CDH13: variants seen among roughly 807,000 people sequenced by gnomAD.
The protein encoded by CDH13 is cadherin-13.
A neutral mutation model predicts 63.8 loss-of-function variants in CDH13; 24 were observed. The observed-to-expected ratio is 0.38, with a 90% confidence interval of 0.27 to 0.53. CDH13 has a LOEUF of 0.53. Ranked by LOEUF, CDH13 falls within the 20% of genes least tolerant of loss-of-function variation. The probability of loss-of-function intolerance (pLI) is 0.85; values close to 1 mark genes in which losing one functional copy is unlikely to be tolerated. For missense variants in CDH13, 1,049 were observed against 903.1 expected (o/e 1.16, Z -2.07); for synonymous variants, 503 against 355.3 (o/e 1.42, Z -4.67).
At chr16:83,788,079 A>C (rs982456421) in intron 13 of CDH13, among the ~76,000 whole-genome samples, 1 of 152,228 alleles carries the variant, frequency 6.6e-6, no homozygotes, top group Non-Finnish European at 1.5e-5. Context: ...ACGTACATGT[A>C]TGTTTGTGTG....
intron 1 of CDH13, among the ~76,000 whole-genome samples, chr16:82,798,733 G>A (rs753196224): frequency 6.6e-5 from 10 of 152,090 alleles, no homozygotes; most frequent in Non-Finnish European, 1.3e-4. Flanking sequence ...GGCTGTACTG[G>A]GAAACACATG....
At chr16:82,854,676 C>T (rs893643562) in intron 1 of CDH13, among the ~76,000 whole-genome samples, 2 of 152,162 alleles carry the variant, frequency 1.3e-5, no homozygotes, top group African/African-American at 2.4e-5. Flanking sequence ...TCTTTGAGAT[C>T]CCAGCAGAAA....
intron 1 of CDH13, among the ~76,000 whole-genome samples, chr16:82,850,496 T>C (rs1326538960): frequency 1.3e-5 from 2 of 152,222 alleles, no homozygotes; most frequent in Non-Finnish European, 2.9e-5. Context: ...CTGGTGAAGA[T>C]GCTGTAAACA....
In CDH13 at chr16:83,032,045, C is replaced by T. The variant is rs368685803; in HGVS notation, c.193C>T (p.Arg65Cys). ...TGACTGTAAGGGAAACGACAAGCTA[C>T]GCTATGAGGTCTCGAGCCCATACTT... ...FSDCKGNDKL[R>C]YEVSSPYFKV... is the part of the protein sequence containing the mutation. The change falls in exon 3 of 14, where the codon CGC becomes TGC. Residue 65 changes from arginine to cysteine, a missense_variant. Arg to Cys is a radical substitution (Grantham distance 180). Coordinates refer to ENST00000567109, the MANE Select transcript of CDH13 (RefSeq NM_001257.5). 75 of 1,605,716 alleles carry T rather than the reference C, an allele frequency of 4.7e-5. No homozygotes were observed. The highest frequency in any genetic ancestry group is 5.2e-5 in the Non-Finnish European group (61 of 1,176,220).
rs147631684 is a variant in CDH13 at position 83,599,215 on chromosome 16, G to A, written c.961-3239G>A. ...GGCAGTCCTGTAGCACATCCCCACA[G>A]CAATCTGTACTGGAAGTTGAAGAAT... On this transcript the variant is annotated intron_variant, in intron 7 of 13. Transcript: ENST00000567109. Among the ~76,000 whole-genome samples, 143 of 152,324 alleles carry A rather than the reference G, an allele frequency of 9.4e-4. 2 individuals are homozygous for A. The East Asian group carries it at 0.026, about 28-fold the overall frequency.
At chr16:83,223,617 T>A (rs944339218) in intron 5 of CDH13, among the ~76,000 whole-genome samples, 2 of 152,202 alleles carry the variant, frequency 1.3e-5, no homozygotes, top group African/African-American at 4.8e-5. Flanking sequence ...TCAGAACCTC[T>A]GATCTGCAAA....
chr16:82,968,431 T>G (rs1032344942), intron 2 of CDH13, among the ~76,000 whole-genome samples: 1 of 152,190 alleles, frequency 6.6e-6, no homozygotes, highest in Non-Finnish European at 1.5e-5. Flanking sequence ...TAAAAGCTGG[T>G]AGTAGGGATG....
At chr16:83,443,359 C>T (rs989207756) in intron 6 of CDH13, among the ~76,000 whole-genome samples, 2 of 152,168 alleles carry the variant, frequency 1.3e-5, no homozygotes, top group African/African-American at 4.8e-5. Context: ...TGGAGCACTG[C>T]ACCCACAGAC....
intron 7 of CDH13, among the ~76,000 whole-genome samples, chr16:83,580,135 G>A (rs1217030968): frequency 1.3e-5 from 2 of 152,134 alleles, no homozygotes; most frequent in Non-Finnish European, 2.9e-5. Context: ...TGTCCACAGA[G>A]TTTAAATGTT....
At chr16:83,102,630 G>C (rs7193877) in intron 3 of CDH13, among the ~76,000 whole-genome samples, 74,885 of 151,932 alleles carry the variant, frequency 0.49, 19,018 homozygotes, top group East Asian at 0.72. Flanking sequence ...CGTTTCAACA[G>C]GACCGCTCTG....
At chr16:83,498,837 G>A (rs141960340) in intron 7 of CDH13, among the ~76,000 whole-genome samples, 4 of 152,338 alleles carry the variant, frequency 2.6e-5, no homozygotes, top group African/African-American at 9.6e-5. Context: ...ATAGGCTTCA[G>A]TGCCGCATTA....
intron 6 of CDH13, among the ~76,000 whole-genome samples, chr16:83,350,544 C>A (rs2090931553): frequency 8.5e-6 from 1 of 116,968 alleles, no homozygotes; most frequent in Non-Finnish European, 1.7e-5. Flanking sequence ...TCTTTCCTGT[C>A]TTAGTCCCTT....
At chr16:83,038,786 T>C (rs757431072) in intron 3 of CDH13, among the ~76,000 whole-genome samples, 4 of 152,234 alleles carry the variant, frequency 2.6e-5, no homozygotes, top group African/African-American at 7.2e-5. Flanking sequence ...CAACTTCATT[T>C]TCTGGCCTGG....
chr16:82,852,965 A>G (rs1209513906), intron 1 of CDH13, among the ~76,000 whole-genome samples: 1 of 151,864 alleles, frequency 6.6e-6, no homozygotes, highest in African/African-American at 2.4e-5. Context: ...AGTACCTGTC[A>G]GGATAAAAAA....
intron 7 of CDH13, among the ~76,000 whole-genome samples, chr16:83,515,773 C>G (rs115362966): frequency 6.6e-6 from 1 of 152,116 alleles, no homozygotes; most frequent in Non-Finnish European, 1.5e-5. Context: ...TTAAAACACA[C>G]CAAGCAAAGC....
rs115959252 is a variant in CDH13, at chr16:83,067,054, C to G, written c.366+34836C>G. 4.6e-3 allele frequency among the ~76,000 whole-genome samples: 695 copies of G among 152,270 alleles called. 3 individuals carry two copies. The highest frequency in any genetic ancestry group is 0.016 in the African/African-American group (671 of 41,546). On this transcript the variant is annotated intron_variant, in intron 3 of 13. Transcript: ENST00000567109. ...TTTCCAAGCTGCCATGGATGACTGA[C>G]CGTTTTAAGCGTCCTTCATTCTTCA...
At chr16:82,867,889 CT>C (rs1299137075) in intron 2 of CDH13, among the ~76,000 whole-genome samples, 6 of 152,192 alleles carry the variant, frequency 3.9e-5, no homozygotes, top group Non-Finnish European at 7.4e-5. Flanking sequence ...CTGACTTAGG[CT>C]TTTATCTGTC....
chr16:82,774,322 ATT>A (rs5818404), intron 1 of CDH13, among the ~76,000 whole-genome samples: 48,695 of 147,494 alleles, frequency 0.33, 8,325 homozygotes, highest in East Asian at 0.45. Context: ...ACTTCAGTTC[ATT>A]TTTTTTTTTT....
At chr16:83,481,410 A>C (rs1598119387) in intron 6 of CDH13, among the ~76,000 whole-genome samples, 1 of 149,952 alleles carries the variant, frequency 6.7e-6, no homozygotes, top group Non-Finnish European at 1.5e-5. Flanking sequence ...CCAGCTGAAA[A>C]CCCCCCGTCA....
Sources: gnomAD v4.1 joint callset for allele counts (sites outside exome capture counted in the v4.1 genomes callset) on GRCh38, gnomAD v4.1.1 for gene constraint, MANE v1.5 for transcripts, NCBI Gene and HGNC (gene_info 2026-07-23, HGNC 2026-07-21) for gene names.